The following SLC22A25 variants were observed in gnomAD, a reference collection of about 807,000 sequenced individuals.
The protein encoded by SLC22A25 is solute carrier family 22 member 25.
Under a neutral mutation model 45.9 loss-of-function variants are expected in SLC22A25, and 44 were observed. The observed-to-expected ratio is 0.96, with a 90% CI of 0.75 to 1.23. SLC22A25 has a LOEUF of 1.23. SLC22A25 is among the 50% of genes most tolerant of loss of function. SLC22A25 has a pLI of 0.00. For synonymous variants in SLC22A25, 283 were observed against 238.6 expected (o/e 1.19, Z -1.72); for missense variants, 800 against 666.4 (o/e 1.20, Z -2.21).
chr11:63,201,661 A>C (rs970942749), intron 7 of SLC22A25, among the ~76,000 whole-genome samples: 3 of 152,236 alleles, frequency 2.0e-5, no homozygotes, highest in Non-Finnish European at 4.4e-5. Context: ...GACAAATGGC[A>C]TCTAACTAAA....
intron 7 of SLC22A25, among the ~76,000 whole-genome samples, chr11:63,207,327 C>T (rs1003466743): frequency 6.6e-6 from 1 of 152,148 alleles, no homozygotes; most frequent in African/African-American, 2.4e-5. Context: ...TCAGAGTGAA[C>T]AGGCAACCTT....
intron 7 of SLC22A25, among the ~76,000 whole-genome samples, chr11:63,195,915 G>T (rs1227665544): frequency 6.6e-6 from 1 of 152,114 alleles, no homozygotes; most frequent in Non-Finnish European, 1.5e-5. Flanking sequence ...AAATGACAAA[G>T]GGGATATCAC....
chr11:63,211,911 C>A (rs2089575560), intron 7 of SLC22A25, among the ~76,000 whole-genome samples: 1 of 152,110 alleles, frequency 6.6e-6, no homozygotes, highest in Non-Finnish European at 1.5e-5. Context: ...CTTTTGCAAT[C>A]TACTCATCTG....
At chr11:63,232,699 C>T (rs1213575686) in intron 3 of SLC22A25, among the ~76,000 whole-genome samples, 1 of 152,154 alleles carries the variant, frequency 6.6e-6, no homozygotes, top group Non-Finnish European at 1.5e-5. Flanking sequence ...AGAGGGCACC[C>T]CTGTAGTGTG....
At chr11:63,198,561 C>T (rs1291406857) in intron 7 of SLC22A25, among the ~76,000 whole-genome samples, 1 of 151,818 alleles carries the variant, frequency 6.6e-6, no homozygotes, top group African/African-American at 2.4e-5. Flanking sequence ...CACACCAGGG[C>T]CTGTCATGAG....
intron 7 of SLC22A25, among the ~76,000 whole-genome samples, chr11:63,198,039 C>T (rs768592433): frequency 1.3e-5 from 2 of 151,922 alleles, no homozygotes; most frequent in Admixed American, 6.6e-5. Flanking sequence ...CATCTCACAG[C>T]GTTAGAAAGG....
At chr11:63,207,856 A>G (rs1237990842) in intron 7 of SLC22A25, among the ~76,000 whole-genome samples, 2 of 152,174 alleles carry the variant, frequency 1.3e-5, no homozygotes, top group African/African-American at 4.8e-5. Context: ...GTCTTAATTA[A>G]TTGAATAACT....
intron 9 of SLC22A25, among the ~76,000 whole-genome samples, chr11:63,174,321 T>C (rs1429560489): frequency 1.3e-5 from 2 of 152,166 alleles, no homozygotes; most frequent in East Asian, 1.9e-4. Context: ...TTCTCTAGGA[T>C]AGCAATGAGA....
In SLC22A25 at chr11:63,166,113, G is replaced by T; in HGVS notation, c.1216C>A (p.Arg406=). ...AACATGAGAAGCATCTGGCTTAGTC[G>T]ACGGCTCATGTGATTCAGTGCCCAA... ...APWALNHMSR[R]LSQMLLMFLL... The change falls in exon 10 of 12, where the codon CGA becomes AGA. Residue 406 remains arginine (R), a synonymous_variant. Coordinates refer to ENST00000306494, the MANE Select transcript of SLC22A25 (RefSeq NM_199352.6). The T allele has an allele frequency of 6.2e-7, 1 of 1,614,000 alleles. No homozygotes were observed. The highest frequency in any genetic ancestry group is 8.5e-7 in the Non-Finnish European group (1 of 1,179,954).
At chr11:63,230,121 G>A (rs955672144) in intron 3 of SLC22A25, among the ~76,000 whole-genome samples, 25 bp from the exon 4 acceptor site, 2 of 152,200 alleles carry the variant, frequency 1.3e-5, no homozygotes, top group African/African-American at 2.4e-5. Flanking sequence ...GAAAGCAAAT[G>A]TCTTTCTTGT....
intron 4 of SLC22A25, 40 bp downstream of exon 4, chr11:63,229,211 C>T (rs769539171): frequency 2.7e-6 from 4 of 1,477,054 alleles, no homozygotes; most frequent in Non-Finnish European, 3.6e-6. Flanking sequence ...TTCTAAACAG[C>T]CAGGTCATGT....
At chr11:63,234,240 T>C (rs1248155585) in intron 3 of SLC22A25, among the ~76,000 whole-genome samples, 1 of 152,186 alleles carries the variant, frequency 6.6e-6, no homozygotes, top group Admixed American at 6.5e-5. Context: ...AGTGGGGTGT[T>C]AAAGTCTCCC....
chr11:63,242,154 G>C (rs73501617), intron 1 of SLC22A25, among the ~76,000 whole-genome samples: 3,298 of 152,246 alleles, frequency 0.022, 122 homozygotes, highest in African/African-American at 0.075. Context: ...AACTAACAGA[G>C]AATGTACAAA....
chr11:63,194,346 C>G (rs2088924852), intron 7 of SLC22A25, among the ~76,000 whole-genome samples: 1 of 151,976 alleles, frequency 6.6e-6, no homozygotes, highest in Non-Finnish European at 1.5e-5. Context: ...AAGAGCAACC[C>G]CAAGACACAT....
intron 5 of SLC22A25, 67 bp downstream of exon 5, chr11:63,228,394 A>C: frequency 7.8e-7 from 1 of 1,276,440 alleles, no homozygotes; most frequent in Non-Finnish European, 1.1e-6. Context: ...AAATATTTCT[A>C]GATGAAAAGT....
chr11:63,170,340 A>T (rs2087833540), intron 9 of SLC22A25, among the ~76,000 whole-genome samples: 1 of 824 alleles, frequency 1.2e-3, no homozygotes, highest in African/African-American at 1.4e-3. Flanking sequence ...AAGGAGACAG[A>T]GACACAAAAC....
Position 63,229,332 on chromosome 11 carries a change from G to C in SLC22A25, c.321C>G (p.Asn107Lys), listed in dbSNP as rs776971844. Residue 107 changes from asparagine (N) to lysine (K), a missense_variant, in exon 4 of 12, where the codon AAC becomes AAG. Coordinates refer to ENST00000306494, the MANE Select transcript of SLC22A25 (RefSeq NM_199352.6). ...AGGGCTCTGTATCTGGCTCACTCGTGTTGGGGAAGGTCCCATTCAGATGAA... is the reference window on the plus strand; with the variant it reads ...AGGGCTCTGTATCTGGCTCACTCGTCTTGGGGAAGGTCCCATTCAGATGAA... ...KLIHLNGTFPNTSEPDTEPCV... is the reference protein window; with the variant it reads ...KLIHLNGTFPKTSEPDTEPCV... 1.9e-6 allele frequency: 3 copies of C among 1,612,998 alleles called. No individual in the cohort carries two copies. Among genetic ancestry groups the C allele is most frequent in the Non-Finnish European group, 1.7e-6 (2 of 1,179,406 alleles).
chr11:63,178,303 A>G (rs1247041553), intron 9 of SLC22A25, among the ~76,000 whole-genome samples: 1 of 152,150 alleles, frequency 6.6e-6, no homozygotes, highest in African/African-American at 2.4e-5. Flanking sequence ...TCTCTTCAAT[A>G]TGCTGATTTT....
intron 3 of SLC22A25, 56 bp downstream of exon 3, chr11:63,237,825 T>C (rs2090189208): frequency 6.6e-6 from 1 of 152,160 alleles, no homozygotes; most frequent in Non-Finnish European, 1.5e-5. Flanking sequence ...ACAGTGTGAT[T>C]TGCAATAAAT....
Sources: gnomAD v4.1 joint callset for allele counts (sites outside exome capture counted in the v4.1 genomes callset) on GRCh38, gnomAD v4.1.1 for gene constraint, MANE v1.5 for transcripts, NCBI Gene and HGNC (gene_info 2026-07-23, HGNC 2026-07-21) for gene names.